GSDMC: variants seen among roughly 807,000 people sequenced by gnomAD.
The protein encoded by GSDMC is gasdermin C.
Under a neutral mutation model 58.0 loss-of-function variants are expected in GSDMC, and 59 were observed. The observed-to-expected ratio is 1.02, with a 90% CI of 0.82 to 1.26. The LOEUF is 1.26. GSDMC is among the 50% of genes most tolerant of loss of function. The probability of loss-of-function intolerance (pLI) is 0.00; values close to 1 mark genes in which losing one functional copy is unlikely to be tolerated. For missense variants in GSDMC, 659 were observed against 598.5 expected (o/e 1.10, Z -1.06); for synonymous variants, 241 against 220.2 (o/e 1.09, Z -0.83).
At chr8:129,722,767 C>T in the GSDMC span, among the ~76,000 whole-genome samples, 1 of 152,152 alleles carries the variant, frequency 6.6e-6, no homozygotes, top group Admixed American at 6.5e-5. Context: ...AACCCAGAGT[C>T]TTACATATAG....
At chr8:129,776,655 GGATGTGGAGCCAGACA>G (rs1421593021) in intron 2 of GSDMC, among the ~76,000 whole-genome samples, 1 of 152,178 alleles carries the variant, frequency 6.6e-6, no homozygotes, top group East Asian at 1.9e-4. Flanking sequence ...AAAATGTTTG[GGATGTGGAGCCAGACA>G]GACCTGGGTT....
chr8:129,757,936 A>G (rs778224849), intron 6 of GSDMC, among the ~76,000 whole-genome samples: 1 of 152,160 alleles, frequency 6.6e-6, no homozygotes, highest in African/African-American at 2.4e-5. Flanking sequence ...GGTTGCAGTG[A>G]GCCATGTTCA....
chr8:129,772,280 G>T (rs1203641693), intron 3 of GSDMC, among the ~76,000 whole-genome samples: 2 of 133,366 alleles, frequency 1.5e-5, no homozygotes, highest in East Asian at 2.1e-4. Flanking sequence ...AAAAAAAAAA[G>T]ATTAGAGCAG....
chr8:129,736,592 A>C, the GSDMC span, among the ~76,000 whole-genome samples: 1 of 152,188 alleles, frequency 6.6e-6, no homozygotes, highest in Non-Finnish European at 1.5e-5. Context: ...TCAACAGCCC[A>C]TCATGCTAAA....
At position 129,749,845 on chromosome 8, in the gene GSDMC, C is replaced by T. The variant is rs909756103; in HGVS notation, c.1213+145G>A. ...ATACGGCAAGTTATCACAGTGAGCC[C>T]TCTGACCTTAGAGAGAGCTGTGATG... On this transcript the variant is annotated intron_variant, in intron 12 of 13. Transcript: ENST00000276708. 4.4e-6 allele frequency: 3 copies of T among 680,868 alleles called. No individual in the cohort carries two copies. In the African/African-American group the frequency reaches 5.4e-5, roughly 12 times the overall value. 42.2% of individuals were successfully genotyped at this position (680,868 alleles called of 1,614,324 possible).
At chr8:129,713,416 G>A in the GSDMC span, among the ~76,000 whole-genome samples, 1 of 152,266 alleles carries the variant, frequency 6.6e-6, no homozygotes, top group South Asian at 2.1e-4. Context: ...TGAAAGGGAG[G>A]AACGCCCTGT....
At chr8:129,747,259 A>T, downstream of GSDMC, among the ~76,000 whole-genome samples, 1 of 147,088 alleles carries the variant, frequency 6.8e-6, no homozygotes, top group East Asian at 1.9e-4. Context: ...TCTGTCTCAA[A>T]AAAAAAAAAA....
intron 6 of GSDMC, among the ~76,000 whole-genome samples, chr8:129,756,363 A>AATATTATTAGAGCTAAAGAGAGAG (rs1370794869): frequency 6.6e-6 from 1 of 152,234 alleles, no homozygotes; most frequent in African/African-American, 2.4e-5. Flanking sequence ...ATATAAAGCA[A>AATATTATTAGAGCTAAAGAGAGAG]ATATTATTAG....
At chr8:129,768,708 T>C (rs538266266) in intron 3 of GSDMC, among the ~76,000 whole-genome samples, 5 of 151,082 alleles carry the variant, frequency 3.3e-5, no homozygotes, top group African/African-American at 1.2e-4. Flanking sequence ...ATGGCACTTA[T>C]GGGACACCAT....
At chr8:129,779,781 T>TA (rs1188839637) in intron 1 of GSDMC, among the ~76,000 whole-genome samples, 2 of 152,096 alleles carry the variant, frequency 1.3e-5, no homozygotes, top group African/African-American at 4.8e-5. Context: ...ATGGACTAAG[T>TA]AAGGCACCAG....
chr8:129,743,239 T>G (rs1402502036), downstream of GSDMC, among the ~76,000 whole-genome samples: 1 of 152,206 alleles, frequency 6.6e-6, no homozygotes, highest in East Asian at 1.9e-4. Context: ...ATTACATGTG[T>G]TATATCGTAT....
the GSDMC span, among the ~76,000 whole-genome samples, chr8:129,709,547 AATAG>A: frequency 0.39 from 59,256 of 151,000 alleles, 16,531 homozygotes; most frequent in African/African-American, 0.76. Context: ...ATAGATAGAT[AATAG>A]ATAGATAGAT....
At chr8:129,754,649 C>T (rs1294995495) in intron 6 of GSDMC, among the ~76,000 whole-genome samples, 5 of 152,158 alleles carry the variant, frequency 3.3e-5, no homozygotes, top group African/African-American at 1.2e-4. Context: ...GAAAAAGAGA[C>T]ATGTGATCTT....
At chr8:129,775,993 A>C in intron 3 of GSDMC, 109 bp downstream of exon 3, 1 of 843,608 alleles carries the variant, frequency 1.2e-6, no homozygotes, top group South Asian at 1.8e-5. Context: ...GGCTGTCATC[A>C]TCTTGATTTT....
At chr8:129,751,613 A>C (rs201195215) in intron 9 of GSDMC, 45 bp from the exon 10 acceptor site, 133 of 1,594,888 alleles carry the variant, frequency 8.3e-5, no homozygotes, top group Non-Finnish European at 1.0e-4. Flanking sequence ...CATCCCCCCA[A>C]ATTTGCTTTT....
rs779118435 is a variant in GSDMC at position 129,765,649 on chromosome 8, A to G, written c.549T>C (p.Ala183=). 5 of 1,613,586 alleles carry G rather than the reference A, an allele frequency of 3.1e-6. No homozygotes were observed. Among genetic ancestry groups the G allele is most frequent in the East Asian group, 2.2e-5 (1 of 44,882 alleles). The part of the protein sequence containing the change: ...SSSVNILGKI[A]LWITYGKGQG... ...ATACCTTGCCATAGGTAATCCAAAG[A>G]GCAATTTTCCCTAAAATATTCACAC... The change falls in exon 4 of 14, where the codon GCT becomes GCC. Residue 183 remains alanine (A), a synonymous_variant. Transcript: ENST00000276708.
chr8:129,732,628 G>A, the GSDMC span, among the ~76,000 whole-genome samples: 1 of 152,184 alleles, frequency 6.6e-6, no homozygotes, highest in East Asian at 1.9e-4. Flanking sequence ...GGATTGCAAG[G>A]AAGCTCAATG....
chr8:129,759,928 G>C (rs1283903647), intron 6 of GSDMC, among the ~76,000 whole-genome samples: 1 of 152,082 alleles, frequency 6.6e-6, no homozygotes, highest in African/African-American at 2.4e-5. Flanking sequence ...TTGCAACACT[G>C]TTCACAATAG....
Position 129,762,658 on chromosome 8 carries a change from T to C in GSDMC, c.644A>G (p.Tyr215Cys), listed in dbSNP as rs2033711348. The C allele has an allele frequency of 3.1e-6, 5 of 1,613,374 alleles. No homozygotes were observed. In the Admixed American group the frequency reaches 5.0e-5, roughly 16 times the overall value. ...LTLQKGMVMA[Y>C]KRKQLVIKEK... ...CTTGATAACCAGCTGCTTTCTCTTA[T>C]AAGCCATCACCATGCCTTTCTGAAG... The change falls in exon 5 of 14, where the codon TAT becomes TGT. Residue 215 changes from tyrosine (Y) to cysteine (C), a missense_variant. Transcript: ENST00000276708.
Sources: gnomAD v4.1 joint callset for allele counts (sites outside exome capture counted in the v4.1 genomes callset) on GRCh38, gnomAD v4.1.1 for gene constraint, MANE v1.5 for transcripts, NCBI Gene and HGNC (gene_info 2026-07-23, HGNC 2026-07-21) for gene names.